PDZRN4: variants seen among roughly 807,000 people sequenced by gnomAD.
PDZRN4 encodes PDZ domain containing ring finger 4, also known as PDZ domain-containing RING finger protein 4.
In PDZRN4, 70 loss-of-function variants were observed where a neutral mutation model predicts 99.0. The observed-to-expected ratio is 0.71, with a 90% CI of 0.58 to 0.86. PDZRN4 has a LOEUF of 0.86. Among genes scored for constraint, PDZRN4 ranks in the 40% least tolerant of loss-of-function variants. The pLI is 0.00. For missense variants in PDZRN4, 1,474 were observed against 1,331.2 expected, an observed-to-expected ratio of 1.11 and a Z score of -1.67; for synonymous variants, 551 against 501.6, an observed-to-expected ratio of 1.10 and a Z score of -1.32.
At chr12:41,397,498 T>C (rs1952257244) in intron 3 of PDZRN4, among the ~76,000 whole-genome samples, 1 of 152,202 alleles carries the variant, frequency 6.6e-6, no homozygotes, top group Non-Finnish European at 1.5e-5. Flanking sequence ...CACTAAATTA[T>C]TTTCATTTGG....
At chr12:41,315,399 G>A (rs1369405736) in intron 3 of PDZRN4, among the ~76,000 whole-genome samples, 1 of 151,934 alleles carries the variant, frequency 6.6e-6, no homozygotes, top group Non-Finnish European at 1.5e-5. Flanking sequence ...CACACCACTG[G>A]CATTTGACCT....
chr12:41,307,853 T>C (rs1951582319), intron 3 of PDZRN4, among the ~76,000 whole-genome samples: 1 of 152,160 alleles, frequency 6.6e-6, no homozygotes, highest in Non-Finnish European at 1.5e-5. Flanking sequence ...ATAGATATTA[T>C]TTCATCTAAT....
At chr12:41,357,566 A>G (rs906519300) in intron 3 of PDZRN4, among the ~76,000 whole-genome samples, 4 of 152,048 alleles carry the variant, frequency 2.6e-5, no homozygotes, top group Non-Finnish European at 4.4e-5. Context: ...TTGACAGCAT[A>G]TGAGTAATTT....
intron 3 of PDZRN4, among the ~76,000 whole-genome samples, chr12:41,336,768 A>G (rs1951778212): frequency 6.6e-6 from 1 of 151,952 alleles, no homozygotes; most frequent in Admixed American, 6.6e-5. Flanking sequence ...CAGGTTGAAG[A>G]TGGAATCATG....
chr12:41,416,017 C>G (rs1168342594), intron 3 of PDZRN4, among the ~76,000 whole-genome samples: 1 of 152,152 alleles, frequency 6.6e-6, no homozygotes, highest in Non-Finnish European at 1.5e-5. Context: ...TTTCAGTTTT[C>G]TTCCATGACT....
At chr12:41,209,678 A>G (rs1039014859) in intron 3 of PDZRN4, among the ~76,000 whole-genome samples, 2 of 150,894 alleles carry the variant, frequency 1.3e-5, no homozygotes, top group African/African-American at 4.9e-5. Flanking sequence ...ACATGAACTC[A>G]TCCTTTTTTA....
chr12:41,515,904 C>T (rs769321114), intron 5 of PDZRN4, among the ~76,000 whole-genome samples: 3 of 151,860 alleles, frequency 2.0e-5, no homozygotes, highest in Non-Finnish European at 2.9e-5. Flanking sequence ...TTCTGAAATC[C>T]TCTGCCTGGC....
rs146009510 is a variant in PDZRN4, at chr12:41,538,999, C to T, written c.1204-13657C>T. Among the ~76,000 whole-genome samples, 70 of 151,976 alleles carry T rather than the reference C, an allele frequency of 4.6e-4. 1 individual carries two copies. Among genetic ancestry groups the T allele is most frequent in the Middle Eastern group, 3.4e-3 (1 of 294 alleles). The stretch of plus-strand genomic sequence containing the variant: ...AATGTCACTGTTAAACATTACAGTC[C>T]GCTGTTAGCTATAAATCCAGGAGGT... On this transcript the variant is annotated intron_variant, in intron 5 of 9. Coordinates refer to ENST00000402685, the MANE Select transcript of PDZRN4 (RefSeq NM_001164595.2).
intron 3 of PDZRN4, among the ~76,000 whole-genome samples, chr12:41,331,776 G>A (rs534257524): frequency 7.6e-4 from 116 of 152,118 alleles, no homozygotes; most frequent in African/African-American, 2.7e-3. Context: ...AGGGCGGCAG[G>A]AGAGAGAATG....
In PDZRN4 at chr12:41,560,443, A is replaced by T. The variant is rs574717268; in HGVS notation, c.1366-3105A>T. On this transcript the variant is annotated intron_variant, in intron 7 of 9. Coordinates refer to ENST00000402685, the MANE Select transcript of PDZRN4 (RefSeq NM_001164595.2). ...ACAGATCTATCCATATAAGTACCACAGATCTCTTCTTAGCCAAGGCAATAT... is the reference window on the plus strand; with the variant it reads ...ACAGATCTATCCATATAAGTACCACTGATCTCTTCTTAGCCAAGGCAATAT... Among the ~76,000 whole-genome samples the T allele has an allele frequency of 2.6e-5, 4 of 152,318 alleles. No homozygotes were observed. The South Asian group carries it at 8.3e-4, about 32-fold the overall frequency.
At chr12:41,537,561 A>G (rs1938769621) in intron 5 of PDZRN4, among the ~76,000 whole-genome samples, 1 of 152,100 alleles carries the variant, frequency 6.6e-6, no homozygotes, top group Admixed American at 6.6e-5. Flanking sequence ...TTTGGGGGAA[A>G]TGTTGTTTGA....
intron 5 of PDZRN4, among the ~76,000 whole-genome samples, chr12:41,532,928 T>C (rs1938684319): frequency 6.6e-6 from 1 of 152,156 alleles, no homozygotes; most frequent in South Asian, 2.1e-4. Context: ...AAAATATATA[T>C]ATTTTTTGCA....
intron 3 of PDZRN4, among the ~76,000 whole-genome samples, chr12:41,390,034 A>G (rs1952198669): frequency 6.6e-6 from 1 of 152,216 alleles, no homozygotes; most frequent in African/African-American, 2.4e-5. Flanking sequence ...CAATAATTCA[A>G]CAATTGGCAT....
chr12:41,275,438 C>T (rs1951344421), intron 3 of PDZRN4, among the ~76,000 whole-genome samples: 1 of 151,896 alleles, frequency 6.6e-6, no homozygotes, highest in African/African-American at 2.4e-5. Context: ...CAGTTCTTTC[C>T]CATTAAGTGA....
intron 3 of PDZRN4, among the ~76,000 whole-genome samples, chr12:41,483,007 G>C (rs753924269): frequency 6.6e-6 from 1 of 151,598 alleles, no homozygotes; most frequent in Non-Finnish European, 1.5e-5. Context: ...AATTCATATT[G>C]ATATTAAAAA....
rs557616256 is a variant in PDZRN4, at chr12:41,396,170, A to T, written c.844-110286A>T. ...TTTACTAGCCAATTTATTAATTTTC[A>T]TGTTACTGCAGGTAAAGGGGCTGTG... is the stretch of plus-strand genomic sequence containing the variant. On this transcript the variant is annotated intron_variant, in intron 3 of 9. Transcript: ENST00000402685. Among the ~76,000 whole-genome samples the T allele has an allele frequency of 7.0e-4, 106 of 152,262 alleles. 3 individuals are homozygous for T. Among genetic ancestry groups the T allele is most frequent in the African/African-American group, 2.0e-3 (83 of 41,558 alleles).
intron 3 of PDZRN4, among the ~76,000 whole-genome samples, chr12:41,267,481 AG>A (rs1182071171): frequency 2.6e-5 from 4 of 152,114 alleles, no homozygotes; most frequent in Admixed American, 2.6e-4. Flanking sequence ...ATCGAATCAG[AG>A]GTTAGAAATG....
At chr12:41,541,116 G>C (rs139215964) in intron 5 of PDZRN4, among the ~76,000 whole-genome samples, 4,627 of 151,892 alleles carry the variant, frequency 0.03, 84 homozygotes, top group Middle Eastern at 0.068. Flanking sequence ...ATTTTTAGTA[G>C]CAACAGGGTT....
At position 41,191,308 on chromosome 12, in the gene PDZRN4, T is replaced by A. The variant is rs539194650; in HGVS notation, c.649-150T>A. 3 of 586,338 alleles carry A rather than the reference T, an allele frequency of 5.1e-6. No homozygotes were observed. The South Asian group carries it at 6.4e-5, about 13-fold the overall frequency. The allele number at this position is 586,338 out of a possible 1,614,324, so 36.3% of individuals were successfully genotyped here. A position where few individuals can be genotyped will look rare whatever the true frequency, so the allele number is the denominator to read the frequency against. ...CTTGCAAAGTAAGTATAGGAAAATG[T>A]CAACCTTCTGCCACATTCAACCATC... On this transcript the variant is annotated intron_variant, in intron 1 of 9. Coordinates refer to ENST00000402685, the MANE Select transcript of PDZRN4 (RefSeq NM_001164595.2).
Sources: allele counts gnomAD v4.1 joint callset (sites outside exome capture counted in the v4.1 genomes callset), GRCh38; gene constraint gnomAD v4.1.1; transcripts MANE v1.5; gene names NCBI Gene and HGNC (gene_info 2026-07-23, HGNC 2026-07-21).